Variants in ASIC2 observed in about 807,000 individuals in gnomAD.
ASIC2 encodes the protein acid sensing ion channel subunit 2, also known as acid-sensing ion channel 2.
In ASIC2, 25 loss-of-function variants were observed where a neutral mutation model predicts 57.3. That is an observed-to-expected ratio of 0.44 (90% CI 0.32 to 0.61). The LOEUF (loss-of-function observed/expected upper bound fraction) is 0.61. Among genes scored for constraint, ASIC2 ranks in the 20% least tolerant of loss-of-function variants. The pLI, the probability that ASIC2 is intolerant of heterozygous loss-of-function variation, is 0.06. For missense variants in ASIC2, 641 were observed against 738.1 expected, an observed-to-expected ratio of 0.87 and a Z score of 1.52; for synonymous variants, 319 against 307.5, an observed-to-expected ratio of 1.04 and a Z score of -0.39.
Position 33,291,939 on chromosome 17 carries a change from T to A in ASIC2, c.177A>T (p.Pro59=), listed in dbSNP as rs1422913608. The part of the protein sequence containing the change: ...QGPGVARRGR[P]SLSRAKLHGL... ...CGTGCAGTTTAGCGCGGCTCAGCGATGGCCGCCCCCTGCGGGCGACCCCTG... is the reference window on the plus strand; with the variant it reads ...CGTGCAGTTTAGCGCGGCTCAGCGAAGGCCGCCCCCTGCGGGCGACCCCTG... The change falls in exon 1 of 10, where the codon CCA becomes CCT. Residue 59 remains proline, a synonymous_variant. Coordinates refer to ENST00000225823, the MANE Select transcript of ASIC2 (RefSeq NM_183377.2). 6.5e-7 allele frequency: 1 copy of A among 1,540,402 alleles called. No individual in the cohort carries two copies. Among genetic ancestry groups the A allele is most frequent in the South Asian group, 1.2e-5 (1 of 83,996 alleles).
At chr17:33,768,783 A>G (rs1911009355) in intron 1 of ASIC2, among the ~76,000 whole-genome samples, 1 of 152,024 alleles carries the variant, frequency 6.6e-6, no homozygotes, top group South Asian at 2.1e-4. Flanking sequence ...TCCCCCATCC[A>G]GTCCCTATAA....
At chr17:34,153,049 CTT>C (rs2142145638) in intron 1 of ASIC2, among the ~76,000 whole-genome samples, 1 of 152,326 alleles carries the variant, frequency 6.6e-6, no homozygotes, top group African/African-American at 2.4e-5. Context: ...TTCCCTGGGA[CTT>C]TTACCCTCCG....
intron 1 of ASIC2, among the ~76,000 whole-genome samples, chr17:33,495,641 C>A (rs758237313): frequency 1.3e-5 from 2 of 152,152 alleles, no homozygotes; most frequent in Non-Finnish European, 2.9e-5. Flanking sequence ...ATTTCCTAGG[C>A]TGGGTCCTAA....
chr17:33,891,823 C>T (rs1914966226), intron 1 of ASIC2, among the ~76,000 whole-genome samples: 1 of 152,114 alleles, frequency 6.6e-6, no homozygotes, highest in South Asian at 2.1e-4. Context: ...GAGTAGGGGG[C>T]TTGCAGTACA....
chr17:33,821,344 A>T (rs1301921272), intron 1 of ASIC2, among the ~76,000 whole-genome samples: 1 of 152,148 alleles, frequency 6.6e-6, no homozygotes, highest in African/African-American at 2.4e-5. Context: ...TTCGAGCTCT[A>T]GGGAAAGCCT....
chr17:33,826,059 T>A (rs185029865), intron 1 of ASIC2, among the ~76,000 whole-genome samples: 61 of 152,358 alleles, frequency 4.0e-4, no homozygotes, highest in African/African-American at 1.4e-3. Context: ...TGAACTAATG[T>A]TGAATTATGA....
chr17:33,711,009 G>C (rs1909016953), intron 1 of ASIC2, among the ~76,000 whole-genome samples: 1 of 151,958 alleles, frequency 6.6e-6, no homozygotes, highest in African/African-American at 2.4e-5. Flanking sequence ...GTCATACAGG[G>C]ACATGATCAT....
chr17:33,586,346 C>G (rs1017384174), intron 1 of ASIC2, among the ~76,000 whole-genome samples: 1 of 152,048 alleles, frequency 6.6e-6, no homozygotes, highest in Non-Finnish European at 1.5e-5. Context: ...AATTGAGATA[C>G]GTCTTATAAA....
At chr17:33,020,857 C>G (rs1379407590) in intron 7 of ASIC2, among the ~76,000 whole-genome samples, 1 of 152,028 alleles carries the variant, frequency 6.6e-6, no homozygotes, top group Non-Finnish European at 1.5e-5. Flanking sequence ...GATACCTCTG[C>G]CCCCTCTCCA....
rs534812595 is a variant in ASIC2 at position 33,293,186 on chromosome 17, G to T, written c.-1071C>A. Among the ~76,000 whole-genome samples, 7 of 152,310 alleles carry T rather than the reference G, an allele frequency of 4.6e-5. No individual in the cohort carries two copies. In the South Asian group the frequency reaches 1.4e-3, roughly 32 times the overall value. On this transcript the variant is annotated 5_prime_UTR_variant, in exon 1 of 10. Coordinates refer to ENST00000225823, the MANE Select transcript of ASIC2 (RefSeq NM_183377.2). ...CGCCGGCTAAGCTCCTTCCCCGGTT[G>T]CCCGGGAGAACCCTCTTTGGGCCCC...
rs180884813 is a variant in ASIC2 at position 34,123,265 on chromosome 17, G to A, written c.555+32713C>T. ...TCGCCTGGATTCTAGGCAGGGCAACGAAATGAAGCTGCTGAGATCAAGCAG... is the reference window on the plus strand; with the variant it reads ...TCGCCTGGATTCTAGGCAGGGCAACAAAATGAAGCTGCTGAGATCAAGCAG... On this transcript the variant is annotated intron_variant, in intron 1 of 9. Coordinates refer to the ASIC2 transcript ENST00000359872. Among the ~76,000 whole-genome samples the A allele has an allele frequency of 2.2e-4, 33 of 152,272 alleles. 1 individual carries two copies. The East Asian group carries it at 4.5e-3, about 21-fold the overall frequency.
At chr17:33,831,727 AG>A (rs1312537189) in intron 1 of ASIC2, among the ~76,000 whole-genome samples, 2 of 152,158 alleles carry the variant, frequency 1.3e-5, no homozygotes, top group African/African-American at 2.4e-5. Context: ...TACTGACAGC[AG>A]GCCCGTCTCT....
At chr17:33,559,132 A>C (rs900352878) in intron 1 of ASIC2, among the ~76,000 whole-genome samples, 19 of 151,966 alleles carry the variant, frequency 1.3e-4, no homozygotes, top group African/African-American at 4.4e-4. Flanking sequence ...AGGCCTCTAC[A>C]CTCTGACTGA....
chr17:33,503,646 C>T (rs1352725215), intron 1 of ASIC2, among the ~76,000 whole-genome samples: 1 of 152,152 alleles, frequency 6.6e-6, no homozygotes, highest in Non-Finnish European at 1.5e-5. Flanking sequence ...AAATCAAAAC[C>T]TCTTGGAGCT....
rs1311646930 is a variant in ASIC2 at position 34,123,123 on chromosome 17, G to A, written c.555+32855C>T. Among the ~76,000 whole-genome samples the A allele has an allele frequency of 3.9e-5, 6 of 152,236 alleles. No individual in the cohort carries two copies. In the East Asian group the frequency reaches 1.2e-3, roughly 29 times the overall value. ...ACAAGTCTTGCCCAGCCTATGAGAA[G>A]AAGGTAGAATCCCCTAGAACATGGC... On this transcript the variant is annotated intron_variant, in intron 1 of 9. Transcript: ENST00000359872.
intron 1 of ASIC2, among the ~76,000 whole-genome samples, chr17:33,349,020 C>G (rs1012413786): frequency 6.6e-6 from 1 of 152,098 alleles, no homozygotes; most frequent in African/African-American, 2.4e-5. Context: ...GGGATTGATC[C>G]CGAGATTCTG....
intron 1 of ASIC2, among the ~76,000 whole-genome samples, chr17:33,197,005 G>T (rs1280176293): frequency 6.6e-6 from 1 of 152,212 alleles, no homozygotes; most frequent in Non-Finnish European, 1.5e-5. Context: ...AGGTGGAGAA[G>T]ATGGGCACTG....
At chr17:33,047,279 C>T (rs1040109489) in intron 3 of ASIC2, among the ~76,000 whole-genome samples, 1 of 152,122 alleles carries the variant, frequency 6.6e-6, no homozygotes, top group African/African-American at 2.4e-5. Context: ...ATGCTGCAAT[C>T]CTTGGCATAC....
At chr17:33,885,271 A>T (rs911574523) in intron 1 of ASIC2, among the ~76,000 whole-genome samples, 1 of 152,164 alleles carries the variant, frequency 6.6e-6, no homozygotes, top group African/African-American at 2.4e-5. Context: ...CAAAGTCTAT[A>T]CTTTTCTCTG....
Sources: allele counts gnomAD v4.1 joint callset (sites outside exome capture counted in the v4.1 genomes callset), GRCh38; gene constraint gnomAD v4.1.1; transcripts MANE v1.5; gene names NCBI Gene and HGNC (gene_info 2026-07-23, HGNC 2026-07-21).